Variants in ADAMTSL1 observed in about 807,000 individuals in gnomAD.
ADAMTSL1 encodes ADAMTS like 1.
ADAMTSL1 carries 126 observed loss-of-function variants against 201.8 expected under a neutral mutation model. The observed-to-expected ratio is 0.62, with a 90% CI of 0.54 to 0.72. The LOEUF (loss-of-function observed/expected upper bound fraction) is 0.72, where lower values mean the gene tolerates loss of function less well. Among genes scored for constraint, ADAMTSL1 ranks in the 30% least tolerant of loss-of-function variants. The probability of loss-of-function intolerance (pLI) is 0.00; values close to 1 mark genes in which losing one functional copy is unlikely to be tolerated. For synonymous variants in ADAMTSL1, 1,121 were observed against 903.4 expected, an observed-to-expected ratio of 1.24 and a Z score of -4.32; for missense variants, 2,679 against 2,277.8, an observed-to-expected ratio of 1.18 and a Z score of -3.59.
At chr9:18,022,164 TC>T (rs1820504013) in intron 1 of ADAMTSL1, among the ~76,000 whole-genome samples, 1 of 152,074 alleles carries the variant, frequency 6.6e-6, no homozygotes, top group Admixed American at 6.6e-5. Flanking sequence ...TAGGTTTGGT[TC>T]AGCACTTTCT....
At chr9:17,980,616 G>A (rs1215313214) in intron 1 of ADAMTSL1, among the ~76,000 whole-genome samples, 7 of 151,952 alleles carry the variant, frequency 4.6e-5, no homozygotes, top group Non-Finnish European at 8.8e-5. Flanking sequence ...GGGAGGTGGG[G>A]TTTTTGGGGG....
At chr9:17,977,992 T>C (rs1316154075) in intron 1 of ADAMTSL1, among the ~76,000 whole-genome samples, 1 of 152,172 alleles carries the variant, frequency 6.6e-6, no homozygotes, top group East Asian at 1.9e-4. Context: ...GGTGCTTCAG[T>C]GTGTTGGATA....
intron 2 of ADAMTSL1, among the ~76,000 whole-genome samples, chr9:18,362,486 G>C (rs1320495893): frequency 1.3e-5 from 2 of 152,150 alleles, no homozygotes; most frequent in African/African-American, 4.8e-5. Context: ...TAATTATTTG[G>C]AGAGAAGTAT....
intron 1 of ADAMTSL1, among the ~76,000 whole-genome samples, chr9:18,503,442 C>CATATATATATATATATAT (rs1822954374): frequency 1.5e-5 from 1 of 64,816 alleles, no homozygotes; most frequent in Non-Finnish European, 3.6e-5. Flanking sequence ...TATATATATA[C>CATATATATATATATATAT]CACATTTTGT....
At chr9:18,455,522 C>CT (rs778005899) in intron 2 of ADAMTSL1, among the ~76,000 whole-genome samples, 12 of 146,836 alleles carry the variant, frequency 8.2e-5, no homozygotes, top group South Asian at 2.2e-4. Flanking sequence ...AACTCCTAAT[C>CT]TTTTTTTTTT....
intron 2 of ADAMTSL1, among the ~76,000 whole-genome samples, chr9:18,396,344 C>A (rs1003116933): frequency 6.6e-6 from 1 of 151,978 alleles, no homozygotes; most frequent in East Asian, 1.9e-4. Flanking sequence ...TGACTTAGTT[C>A]AGAGGAAGTT....
intron 21 of ADAMTSL1, among the ~76,000 whole-genome samples, chr9:18,823,662 C>T (rs1323631772): frequency 6.6e-6 from 1 of 152,136 alleles, no homozygotes; most frequent in Non-Finnish European, 1.5e-5. Flanking sequence ...TGCATGTGAG[C>T]AATGTGAGGG....
intron 2 of ADAMTSL1, among the ~76,000 whole-genome samples, chr9:18,323,705 T>C (rs1834716333): frequency 6.6e-6 from 1 of 152,118 alleles, no homozygotes; most frequent in Non-Finnish European, 1.5e-5. Context: ...CAACAAATAA[T>C]TAAAATTTAA....
In ADAMTSL1 at chr9:18,210,050, G is replaced by A. The variant is rs957053210; in HGVS notation, c.207+46069G>A. Among the ~76,000 whole-genome samples, 8 of 152,004 alleles carry A rather than the reference G, an allele frequency of 5.3e-5. No individual in the cohort carries two copies. In the South Asian group the frequency reaches 1.7e-3, roughly 32 times the overall value. On this transcript the variant is annotated intron_variant, in intron 2 of 29. Coordinates refer to the ADAMTSL1 transcript ENST00000680146. Reference sequence around the variant, plus strand: ...TAAGTGGGCTACATTGCTATCTCATGTTTACCTTATAAAATGACCTTTGTT... The same window carrying A: ...TAAGTGGGCTACATTGCTATCTCATATTTACCTTATAAAATGACCTTTGTT...
At chr9:18,053,444 G>A (rs923871661) in intron 1 of ADAMTSL1, among the ~76,000 whole-genome samples, 1 of 152,020 alleles carries the variant, frequency 6.6e-6, no homozygotes, top group Non-Finnish European at 1.5e-5. Context: ...TATGAAAATT[G>A]GTTCAGTATG....
chr9:18,132,032 C>T (rs1564017803), intron 1 of ADAMTSL1, among the ~76,000 whole-genome samples: 1 of 152,102 alleles, frequency 6.6e-6, no homozygotes, highest in Non-Finnish European at 1.5e-5. Flanking sequence ...TGATTTGTCA[C>T]CTGAGCTCTG....
At chr9:18,479,128 T>A (rs1273524243) in intron 1 of ADAMTSL1, among the ~76,000 whole-genome samples, 1 of 152,168 alleles carries the variant, frequency 6.6e-6, no homozygotes, top group Non-Finnish European at 1.5e-5. Context: ...AGCTCAAAAA[T>A]AAATGACTAA....
chr9:18,143,872 G>A (rs1028558163), intron 1 of ADAMTSL1, among the ~76,000 whole-genome samples: 4 of 152,150 alleles, frequency 2.6e-5, no homozygotes, highest in African/African-American at 9.7e-5. Flanking sequence ...AAGAAGTGAG[G>A]GAACTGCCAT....
intron 23 of ADAMTSL1, 50 bp from the exon 24 acceptor site, chr9:18,887,781 T>C (rs564621788): frequency 6.6e-7 from 1 of 1,510,430 alleles, no homozygotes; most frequent in African/African-American, 1.4e-5. Context: ...GCACCAGCAA[T>C]GTGTTCCTTA....
intron 1 of ADAMTSL1, among the ~76,000 whole-genome samples, chr9:18,046,155 A>G (rs1821649227): frequency 6.6e-6 from 1 of 152,174 alleles, no homozygotes; most frequent in Non-Finnish European, 1.5e-5. Flanking sequence ...AGAGGCATAT[A>G]TAATAAAGGA....
chr9:18,758,838 G>C (rs1549987), intron 16 of ADAMTSL1, among the ~76,000 whole-genome samples: 53,408 of 152,006 alleles, frequency 0.35, 10,383 homozygotes, highest in South Asian at 0.49. Context: ...GCTATATTGT[G>C]AGTGAAGCAC....
At chr9:18,073,937 C>T (rs1410649561) in intron 1 of ADAMTSL1, among the ~76,000 whole-genome samples, 1 of 152,032 alleles carries the variant, frequency 6.6e-6, no homozygotes, top group South Asian at 2.1e-4. Context: ...TTGCTTCACA[C>T]GGGAGGTTAT....
chr9:18,834,254 T>C (rs1183255354), intron 23 of ADAMTSL1, among the ~76,000 whole-genome samples: 4 of 152,220 alleles, frequency 2.6e-5, no homozygotes, highest in African/African-American at 7.2e-5. Flanking sequence ...AGGAATAACA[T>C]TGAATCTGTA....
chr9:18,360,904 T>A (rs1413686421), intron 2 of ADAMTSL1, among the ~76,000 whole-genome samples: 4 of 152,142 alleles, frequency 2.6e-5, no homozygotes, highest in Non-Finnish European at 5.9e-5. Context: ...TTTTTAAGTT[T>A]CCCATCTCCT....
Sources: gnomAD v4.1 joint callset for allele counts (sites outside exome capture counted in the v4.1 genomes callset) on GRCh38, gnomAD v4.1.1 for gene constraint, MANE v1.5 for transcripts, NCBI Gene and HGNC (gene_info 2026-07-23, HGNC 2026-07-21) for gene names.